Variants in ATP11B observed in about 807,000 individuals in gnomAD.
The protein encoded by ATP11B is phospholipid-transporting ATPase IF.
Under a neutral mutation model 157.8 loss-of-function variants are expected in ATP11B, and 81 were observed. The observed-to-expected ratio is 0.51, with a 90% CI of 0.43 to 0.62. The LOEUF is 0.62. ATP11B is among the 20% of genes least tolerant of loss of function. The pLI, the probability that ATP11B is intolerant of heterozygous loss-of-function variation, is 0.00. For synonymous variants in ATP11B, 451 were observed against 469.4 expected (o/e 0.96, Z 0.51); for missense variants, 1,165 against 1,402.2 (o/e 0.83, Z 2.70).
intron 1 of ATP11B, among the ~76,000 whole-genome samples, chr3:182,798,895 T>C (rs60042267): frequency 0.15 from 23,300 of 152,284 alleles, 2,380 homozygotes; most frequent in African/African-American, 0.29. Flanking sequence ...AAATATTAAA[T>C]GCTACTTGTT....
At chr3:182,823,442 TC>T (rs1717501495) in intron 2 of ATP11B, among the ~76,000 whole-genome samples, 1 of 152,126 alleles carries the variant, frequency 6.6e-6, no homozygotes, top group African/African-American at 2.4e-5. Flanking sequence ...TGGTATTATT[TC>T]TGAGGGCTCT....
intron 10 of ATP11B, among the ~76,000 whole-genome samples, chr3:182,855,226 A>G (rs768635026): frequency 1.1e-4 from 16 of 152,222 alleles, no homozygotes; most frequent in Non-Finnish European, 1.8e-4. Context: ...GTTACACAAT[A>G]GAGAACCCCA....
chr3:182,887,778 T>C (rs1722898343), intron 24 of ATP11B, 65 bp downstream of exon 24: 1 of 1,518,966 alleles, frequency 6.6e-7, no homozygotes, highest in South Asian at 1.2e-5. Flanking sequence ...GCAGATTTAT[T>C]TATGTCTTGG....
At chr3:182,827,165 T>C (rs1717780847) in intron 2 of ATP11B, among the ~76,000 whole-genome samples, 1 of 152,164 alleles carries the variant, frequency 6.6e-6, no homozygotes, top group South Asian at 2.1e-4. Flanking sequence ...AAGTAAACAT[T>C]CTATAAATCA....
At chr3:182,834,812 T>C (rs1196774332) in intron 4 of ATP11B, among the ~76,000 whole-genome samples, 1 of 152,228 alleles carries the variant, frequency 6.6e-6, no homozygotes, top group Non-Finnish European at 1.5e-5. Context: ...GGGAACCCCT[T>C]ATGCAATTGA....
At chr3:182,844,648 T>A in intron 8 of ATP11B, 1 of 527,124 alleles carries the variant, frequency 1.9e-6, no homozygotes, top group Non-Finnish European at 2.4e-6. Flanking sequence ...CTAACATACC[T>A]TGTACTTTGT....
intron 11 of ATP11B, 28 bp from the exon 12 acceptor site, chr3:182,859,134 T>A: frequency 6.5e-7 from 1 of 1,530,870 alleles, no homozygotes; most frequent in Non-Finnish European, 8.9e-7. Context: ...TATTTTTTCT[T>A]TTCAAACAAT....
chr3:182,871,756 T>C (rs1429998300), intron 17 of ATP11B, among the ~76,000 whole-genome samples: 2 of 152,134 alleles, frequency 1.3e-5, no homozygotes, highest in Non-Finnish European at 2.9e-5. Context: ...AATAGGATAG[T>C]CTTTATGATC....
intron 1 of ATP11B, among the ~76,000 whole-genome samples, chr3:182,810,248 C>T (rs1411644960): frequency 1.3e-5 from 2 of 152,026 alleles, no homozygotes; most frequent in African/African-American, 4.8e-5. Flanking sequence ...AGGAGAATTG[C>T]TTGAACCCAG....
At chr3:182,890,997 C>T (rs971192464) in intron 25 of ATP11B, among the ~76,000 whole-genome samples, 2 of 152,116 alleles carry the variant, frequency 1.3e-5, no homozygotes, top group Non-Finnish European at 2.9e-5. Flanking sequence ...TGTAACAAAC[C>T]TGCACGTTGT....
At chr3:182,854,271 A>G (rs1455216128) in intron 10 of ATP11B, among the ~76,000 whole-genome samples, 1 of 152,150 alleles carries the variant, frequency 6.6e-6, no homozygotes, top group Non-Finnish European at 1.5e-5. Context: ...GGAGTCCGAG[A>G]CCAGCCTGAC....
At chr3:182,860,241 T>TA (rs1259405445) in intron 12 of ATP11B, among the ~76,000 whole-genome samples, 7 of 152,232 alleles carry the variant, frequency 4.6e-5, no homozygotes, top group Non-Finnish European at 8.8e-5. Flanking sequence ...AAAATATCTT[T>TA]ATTCTCTTTT....
chr3:182,874,259 A>G (rs1446778943), intron 19 of ATP11B, among the ~76,000 whole-genome samples: 1 of 152,262 alleles, frequency 6.6e-6, no homozygotes, highest in South Asian at 2.1e-4. Flanking sequence ...ATTTGTTTAC[A>G]TATTACCAAT....
intron 22 of ATP11B, among the ~76,000 whole-genome samples, chr3:182,885,673 T>C (rs1722749214): frequency 6.6e-6 from 1 of 152,146 alleles, no homozygotes; most frequent in Non-Finnish European, 1.5e-5. Flanking sequence ...AGTAATAGTT[T>C]GAAGGTTGTA....
At chr3:182,874,089 C>T in intron 19 of ATP11B, 74 bp downstream of exon 19, 3 of 1,287,696 alleles carry the variant, frequency 2.3e-6, no homozygotes, top group Non-Finnish European at 3.2e-6. Context: ...GATGATATAG[C>T]CCACTGTCAC....
At chr3:182,894,735 A>G (rs1266555559) in intron 25 of ATP11B, among the ~76,000 whole-genome samples, 2 of 152,130 alleles carry the variant, frequency 1.3e-5, no homozygotes, top group Non-Finnish European at 2.9e-5. Flanking sequence ...AATACCGTGT[A>G]ACATACCCCA....
At chr3:182,865,418 C>A (rs780096473) in intron 12 of ATP11B, 38 bp from the exon 13 acceptor site, 4 of 1,595,724 alleles carry the variant, frequency 2.5e-6, no homozygotes, top group Non-Finnish European at 3.4e-6. Context: ...GGACCATGAA[C>A]ACAAAGGTTT....
At chr3:182,875,823 A>T (rs1722001416) in intron 19 of ATP11B, among the ~76,000 whole-genome samples, 1 of 152,234 alleles carries the variant, frequency 6.6e-6, no homozygotes, top group Non-Finnish European at 1.5e-5. Flanking sequence ...TTAGGTAATT[A>T]TACTACAATT....
At chr3:182,889,296 G>A (rs1577081788) in intron 24 of ATP11B, 114 bp from the exon 25 acceptor site, 1 of 753,174 alleles carries the variant, frequency 1.3e-6, no homozygotes, top group Non-Finnish European at 2.0e-6. Context: ...ATATTTTCAA[G>A]CAATTTTAAA....
Sources: gnomAD v4.1 joint callset for allele counts (sites outside exome capture counted in the v4.1 genomes callset) on GRCh38, gnomAD v4.1.1 for gene constraint, MANE v1.5 for transcripts, NCBI Gene and HGNC (gene_info 2026-07-23, HGNC 2026-07-21) for gene names.